Variants in DYSF observed in about 807,000 individuals in gnomAD.
DYSF encodes dystrophy-associated fer-1-like 1.
DYSF carries 212 observed loss-of-function variants against 274.9 expected under a neutral mutation model. That is an observed-to-expected ratio of 0.77 (90% confidence interval 0.69 to 0.86). DYSF has a LOEUF of 0.86. DYSF is among the 40% of genes least tolerant of loss of function. The pLI is 0.00. For missense variants in DYSF, 2,666 were observed against 2,783.2 expected (o/e 0.96, Z 0.95); for synonymous variants, 1,091 against 1,078.7 (o/e 1.01, Z -0.22).
rs778496697 is a variant in DYSF at position 71,516,972 on chromosome 2, A to C, written c.952-17A>C. ...ATGTTCCCTGTGAATGTGAGTTTCC[A>C]TGATCTTTCTCTGCAGGTGGTAGAC... On this transcript the variant is annotated splice_polypyrimidine_tract_variant and intron_variant, in intron 9 of 55. Transcript: ENST00000410020. The C allele has an allele frequency of 6.2e-7, 1 of 1,614,072 alleles. No homozygotes were observed. The highest frequency in any genetic ancestry group is 1.7e-5 in the Admixed American group (1 of 60,024).
In DYSF at chr2:71,466,758, G is replaced by A; in HGVS notation, c.-85G>A. On this transcript the variant is annotated 5_prime_UTR_variant, in exon 1 of 56. Transcript: ENST00000410020. ...CTCTTGGCGCGGCTGCCTGGGAGCC[G>A]GGCGCTTGCTGGGTGGGTGCTCGGG... 7.1e-7 allele frequency: 1 copy of A among 1,413,712 alleles called. No individual in the cohort carries two copies. The allele number at this position is 1,413,712 out of a possible 1,614,324, so 87.6% of individuals were successfully genotyped here.
At chr2:71,544,603 T>C (rs888916725) in intron 17 of DYSF, among the ~76,000 whole-genome samples, 1 of 151,906 alleles carries the variant, frequency 6.6e-6, no homozygotes, top group Non-Finnish European at 1.5e-5. Context: ...AGGATTACAG[T>C]TGTCTGCCAC....
intron 14 of DYSF, among the ~76,000 whole-genome samples, chr2:71,533,364 A>T (rs750994317): frequency 6.6e-6 from 1 of 152,242 alleles, no homozygotes; most frequent in African/African-American, 2.4e-5. Flanking sequence ...ATGGCTGCAC[A>T]TCACACCACT....
rs75444830 is a variant in DYSF, at chr2:71,546,706, G to C, written c.1577-4335G>C. On this transcript the variant is annotated intron_variant, in intron 17 of 55. Transcript: ENST00000410020. The stretch of plus-strand genomic sequence containing the variant: ...CACTTGTATCCTAGTGTTTTCCATA[G>C]TTAAGAAATCCAAAGTTAGTCTCCT... Among the ~76,000 whole-genome samples the C allele has an allele frequency of 1.0e-3, 154 of 152,344 alleles. 1 individual carries two copies. In the East Asian group the frequency reaches 0.024, roughly 23 times the overall value.
rs115813334 is a variant in DYSF at position 71,609,123 on chromosome 2, C to T, written c.3958-2122C>T. ...TGGAGTGCCCAGGGAGGACATCAAA[C>T]TGGGGGTCCCCATAGCAGCCAGGTC... On this transcript the variant is annotated intron_variant, in intron 36 of 55. Transcript: ENST00000410020. Among the ~76,000 whole-genome samples the T allele has an allele frequency of 2.3e-3, 349 of 152,298 alleles. 2 individuals are homozygous for T. The highest frequency in any genetic ancestry group is 8.2e-3 in the African/African-American group (339 of 41,580).
chr2:71,562,073 G>A (rs2091813912), intron 23 of DYSF, 129 bp downstream of exon 23: 13 of 1,311,970 alleles, frequency 9.9e-6, no homozygotes, highest in Non-Finnish European at 1.4e-5. Context: ...CCTTGGGCAG[G>A]TGACTTAACC....
At chr2:71,644,157 T>G (rs1362059996) in intron 42 of DYSF, 94 bp downstream of exon 42, 10 of 1,076,924 alleles carry the variant, frequency 9.3e-6, no homozygotes, top group Non-Finnish European at 1.4e-5. Flanking sequence ...TAGATGTATT[T>G]GCATTTGTCT....
intron 22 of DYSF, 88 bp downstream of exon 22, chr2:71,556,159 A>C (rs2091324145): frequency 8.8e-7 from 1 of 1,137,412 alleles, no homozygotes. Context: ...GGCAGTGAGC[A>C]GTGGCACGTC....
At chr2:71,589,803 T>C in intron 31 of DYSF, 117 bp downstream of exon 31, 2 of 1,024,322 alleles carry the variant, frequency 2.0e-6, no homozygotes, top group East Asian at 2.4e-5. Context: ...TGAGTCTCTG[T>C]GCTTTTTGGT....
rs2095358538 is a variant in DYSF at position 71,686,530 on chromosome 2, C to T, written c.*38C>T. 1 of 1,612,916 alleles carries T rather than the reference C, an allele frequency of 6.2e-7. No individual in the cohort carries two copies. The highest frequency in any genetic ancestry group is 1.1e-5 in the South Asian group (1 of 91,070). ...CCTGTAGAAGGGGCCGTGGGGTCCCCTCCAGCATGGGACTGGCCTGCCTCC... is the reference window on the plus strand; with the variant it reads ...CCTGTAGAAGGGGCCGTGGGGTCCCTTCCAGCATGGGACTGGCCTGCCTCC... On this transcript the variant is annotated 3_prime_UTR_variant, in exon 56 of 56. Transcript: ENST00000410020.
chr2:71,552,895 C>A, intron 19 of DYSF, 116 bp from the exon 20 acceptor site: 1 of 1,049,880 alleles, frequency 9.5e-7, no homozygotes, highest in Admixed American at 2.0e-5. Flanking sequence ...GTCAGTCCAG[C>A]CAGGAGCTAT....
chr2:71,585,427 G>A (rs901106650), intron 30 of DYSF, among the ~76,000 whole-genome samples: 2 of 152,176 alleles, frequency 1.3e-5, no homozygotes, highest in Admixed American at 6.5e-5. Flanking sequence ...TAGGTGTTTC[G>A]TAAATGGGTG....
intron 41 of DYSF, among the ~76,000 whole-genome samples, chr2:71,635,610 G>A (rs1317329351): frequency 1.3e-5 from 2 of 151,936 alleles, no homozygotes; most frequent in Non-Finnish European, 1.5e-5. Context: ...TTAGCTGGGC[G>A]TGGTGGCACA....
chr2:71,562,624 C>T (rs1039919406), intron 23 of DYSF, among the ~76,000 whole-genome samples: 1 of 152,208 alleles, frequency 6.6e-6, no homozygotes, highest in African/African-American at 2.4e-5. Flanking sequence ...CTGCTGCCTG[C>T]TCTGACCAGA....
At chr2:71,623,411 C>T (rs13016200) in intron 41 of DYSF, among the ~76,000 whole-genome samples, 107,467 of 149,588 alleles carry the variant, frequency 0.72, 40,537 homozygotes, top group East Asian at 0.88. Context: ...CACCTATGAG[C>T]GAGAATATGC....
intron 40 of DYSF, among the ~76,000 whole-genome samples, chr2:71,617,761 G>GGTGTGTGTGGTAGAGGTGGT (rs1353492736): frequency 2.4e-5 from 2 of 83,468 alleles, no homozygotes; most frequent in Non-Finnish European, 2.5e-5. Flanking sequence ...GGGTAGAGGT[G>GGTGTGTGTGGTAGAGGTGGT]GTGTGTGTGG....
At chr2:71,481,996 C>T (rs775779915) in intron 3 of DYSF, 26 bp downstream of exon 3, 2 of 1,592,790 alleles carry the variant, frequency 1.3e-6, no homozygotes, top group Non-Finnish European at 8.6e-7. Flanking sequence ...GGGGGTGCTC[C>T]ATGGCTTGAA....
intron 36 of DYSF, among the ~76,000 whole-genome samples, chr2:71,609,467 A>G (rs1477831798): frequency 4.0e-5 from 6 of 149,942 alleles, no homozygotes. Context: ...ACCAATGGCA[A>G]AAACAATGGT....
chr2:71,581,190 C>G (rs1338945162), intron 30 of DYSF, among the ~76,000 whole-genome samples: 1 of 152,218 alleles, frequency 6.6e-6, no homozygotes, highest in African/African-American at 2.4e-5. Context: ...GACATGGAAA[C>G]CCTAGAGGGA....
Sources: gnomAD v4.1 joint callset for allele counts (sites outside exome capture counted in the v4.1 genomes callset) on GRCh38, gnomAD v4.1.1 for gene constraint, MANE v1.5 for transcripts, NCBI Gene and HGNC (gene_info 2026-07-23, HGNC 2026-07-21) for gene names.